Variants in PRKN observed in about 807,000 individuals in gnomAD.
The protein encoded by PRKN is E3 ubiquitin-protein ligase parkin.
Under a neutral mutation model 59.5 loss-of-function variants are expected in PRKN, and 56 were observed. The ratio of observed to expected loss-of-function variants is 0.94; its 90% CI spans 0.76 to 1.18. The LOEUF is 1.18. Among genes scored for constraint, PRKN ranks in the 50% most tolerant of loss-of-function variants. The probability of loss-of-function intolerance (pLI) is 0.00; values close to 1 mark genes in which losing one functional copy is unlikely to be tolerated. For missense variants in PRKN, 657 were observed against 596.4 expected, an observed-to-expected ratio of 1.10 and a Z score of -1.06; for synonymous variants, 250 against 222.1, an observed-to-expected ratio of 1.13 and a Z score of -1.12.
intron 7 of PRKN, among the ~76,000 whole-genome samples, chr6:161,624,168 A>G (rs1783005196): frequency 6.6e-6 from 1 of 152,228 alleles, no homozygotes; most frequent in African/African-American, 2.4e-5. Flanking sequence ...AACAGTTACA[A>G]AAAGAGACAG....
chr6:162,506,334 G>C (rs967898660), intron 1 of PRKN, among the ~76,000 whole-genome samples: 3 of 150,824 alleles, frequency 2.0e-5, no homozygotes, highest in African/African-American at 7.3e-5. Context: ...GAAGTCAAGA[G>C]AGTTTTACAA....
At chr6:162,687,016 TA>T (rs1023862585) in intron 1 of PRKN, among the ~76,000 whole-genome samples, 1 of 152,094 alleles carries the variant, frequency 6.6e-6, no homozygotes, top group Non-Finnish European at 1.5e-5. Context: ...TTTTATTTTT[TA>T]TTTTTTTGGT....
chr6:162,430,889 C>T (rs1457038561), intron 2 of PRKN, among the ~76,000 whole-genome samples: 1 of 152,042 alleles, frequency 6.6e-6, no homozygotes, highest in East Asian at 1.9e-4. Context: ...GTGTTATGTA[C>T]AAAAATTTCT....
chr6:162,446,116 G>T (rs1790306867), intron 1 of PRKN, among the ~76,000 whole-genome samples: 1 of 152,118 alleles, frequency 6.6e-6, no homozygotes, highest in Non-Finnish European at 1.5e-5. Context: ...AAATAGAGGG[G>T]AAGAAATAAA....
rs9458479 is a variant in PRKN, at chr6:162,195,432, T to G, written c.534+5699A>C. 3.6e-3 allele frequency among the ~76,000 whole-genome samples: 549 copies of G among 152,334 alleles called. 2 individuals are homozygous for G. The highest frequency in any genetic ancestry group is 0.013 in the African/African-American group (525 of 41,568). ...AGGTAAGAAGACTCCTGGCCAACAA[T>G]TAATCTGTAACAAATATTAAGCTTA... is the stretch of plus-strand genomic sequence containing the variant. On this transcript the variant is annotated intron_variant, in intron 4 of 11. Transcript: ENST00000366898.
chr6:161,396,381 C>A lies in PRKN; in HGVS notation c.1084-9504G>T, dbSNP rs1786761029. Among the ~76,000 whole-genome samples, 1 of 152,286 alleles carries A rather than the reference C, an allele frequency of 6.6e-6. No individual in the cohort carries two copies. Among genetic ancestry groups the A allele is most frequent in the South Asian group, 2.1e-4 (1 of 4,826 alleles). ...TCTAACTGAGAATTCCCTTTACCAT[C>A]CTGCAAGGCCTGCCCAATTTTGCTT... On this transcript the variant is annotated intron_variant, in intron 9 of 11. Transcript: ENST00000366898. The surrounding 1 kb of genome is among the most constrained non-coding windows in gnomAD (Gnocchi z 5.4).
chr6:162,319,548 C>T (rs1000285768), intron 2 of PRKN, among the ~76,000 whole-genome samples: 3 of 151,902 alleles, frequency 2.0e-5, no homozygotes, highest in Non-Finnish European at 4.4e-5. Flanking sequence ...TAAAATTTTC[C>T]CCAATAAGGG....
chr6:162,713,737 T>A (rs1383113711), intron 1 of PRKN, among the ~76,000 whole-genome samples: 3 of 152,152 alleles, frequency 2.0e-5, no homozygotes, highest in South Asian at 2.1e-4. Flanking sequence ...ATACTTATAC[T>A]GTTTTGTAAA....
intron 3 of PRKN, among the ~76,000 whole-genome samples, chr6:162,235,832 GGGAGGGAGGAAA>G (rs1281740178): frequency 5.6e-4 from 83 of 147,806 alleles, no homozygotes; most frequent in East Asian, 2.8e-3. Context: ...GAGAGAGAGA[GGGAGGGAGGAAA>G]GGAGGGAGGA....
intron 2 of PRKN, among the ~76,000 whole-genome samples, chr6:162,311,316 C>T (rs1306103584): frequency 1.3e-5 from 2 of 152,062 alleles, no homozygotes; most frequent in Non-Finnish European, 2.9e-5. Context: ...TAATCATTAG[C>T]TCACAATGAC....
At chr6:161,884,353 C>T (rs1366553053) in intron 6 of PRKN, among the ~76,000 whole-genome samples, 2 of 152,172 alleles carry the variant, frequency 1.3e-5, no homozygotes, top group African/African-American at 4.8e-5. Flanking sequence ...AGGCCTATGA[C>T]AATACACAGC....
intron 2 of PRKN, among the ~76,000 whole-genome samples, chr6:162,320,967 CA>C (rs1782996541): frequency 6.6e-6 from 1 of 150,968 alleles, no homozygotes. Context: ...CCTTCACAAA[CA>C]AAAAATGAAG....
rs569851556 is a variant in PRKN at position 161,898,624 on chromosome 6, G to A, written c.734+74678C>T. 4.6e-5 allele frequency among the ~76,000 whole-genome samples: 7 copies of A among 152,288 alleles called. No individual in the cohort carries two copies. The East Asian group carries it at 1.4e-3, about 29-fold the overall frequency. Reference sequence around the variant, plus strand: ...CAAAGCTAAAGTTGCGGGCATCTTTGCTGACAGTGGAATGTCATTTTGGTA... The same window carrying A: ...CAAAGCTAAAGTTGCGGGCATCTTTACTGACAGTGGAATGTCATTTTGGTA... On this transcript the variant is annotated intron_variant, in intron 6 of 11. Coordinates refer to ENST00000366898, the MANE Select transcript of PRKN (RefSeq NM_004562.3).
chr6:161,867,966 G>C (rs1794191353), intron 6 of PRKN, among the ~76,000 whole-genome samples: 1 of 151,572 alleles, frequency 6.6e-6, no homozygotes, highest in Admixed American at 6.6e-5. Context: ...TCTCCATGTT[G>C]GCCATTCTGG....
At chr6:162,364,452 A>G (rs1044474850) in intron 2 of PRKN, among the ~76,000 whole-genome samples, 3 of 152,192 alleles carry the variant, frequency 2.0e-5, no homozygotes, top group Admixed American at 6.5e-5. Context: ...CTACCCTGGG[A>G]GTAAAATGTC....
intron 6 of PRKN, among the ~76,000 whole-genome samples, chr6:161,886,664 T>C (rs968801281): frequency 6.6e-6 from 1 of 151,602 alleles, no homozygotes; most frequent in Non-Finnish European, 1.5e-5. Flanking sequence ...GCCACTGCAC[T>C]CTAGCCTGGG....
intron 7 of PRKN, among the ~76,000 whole-genome samples, chr6:161,710,797 CTTCCTTCCTTCCCTCCCTCCCTCT>C: frequency 6.6e-6 from 1 of 151,194 alleles, no homozygotes; most frequent in Non-Finnish European, 1.5e-5. Flanking sequence ...TCTTTTCTTT[CTTCCTTCCTTCCCTCCCTCCCTCT>C]TTCCTTCCTT....
intron 9 of PRKN, among the ~76,000 whole-genome samples, chr6:161,437,847 C>G (rs1015099832): frequency 1.3e-5 from 2 of 152,128 alleles, no homozygotes; most frequent in African/African-American, 4.8e-5. Context: ...TTGAAAGTGA[C>G]CATTATGCAA....
chr6:162,680,443 T>C (rs1351622244), intron 1 of PRKN, among the ~76,000 whole-genome samples: 3 of 151,866 alleles, frequency 2.0e-5, no homozygotes, highest in South Asian at 2.1e-4. Context: ...ATTATTGTCA[T>C]AGAATCCAAA....
Sources: allele counts gnomAD v4.1 joint callset (sites outside exome capture counted in the v4.1 genomes callset), GRCh38; gene constraint gnomAD v4.1.1; non-coding constraint Gnocchi (gnomAD v3.1); transcripts MANE v1.5; gene names NCBI Gene and HGNC (gene_info 2026-07-23, HGNC 2026-07-21).